FYCO1: variants seen among roughly 807,000 people sequenced by gnomAD.
FYCO1 encodes FYVE and coiled-coil domain autophagy adaptor 1.
FYCO1 carries 122 observed loss-of-function variants against 165.1 expected under a neutral mutation model. The ratio of observed to expected loss-of-function variants is 0.74; its 90% confidence interval spans 0.64 to 0.86. The LOEUF (loss-of-function observed/expected upper bound fraction) is 0.86. FYCO1 is among the 40% of genes least tolerant of loss of function. The pLI is 0.00. For synonymous variants in FYCO1, 648 were observed against 742.5 expected, an observed-to-expected ratio of 0.87 and a Z score of 2.07; for missense variants, 1,702 against 1,810.3, an observed-to-expected ratio of 0.94 and a Z score of 1.09.
Position 45,968,511 on chromosome 3 carries a change from G to A in FYCO1, c.823C>T (p.Gln275Ter), listed in dbSNP as rs749032578. The A allele has an allele frequency of 3.7e-6, 6 of 1,613,910 alleles. No individual in the cohort carries two copies. Among genetic ancestry groups the A allele is most frequent in the Non-Finnish European group, 5.1e-6 (6 of 1,180,050 alleles). The change falls in exon 8 of 18, where the codon CAG (glutamine) becomes TAG (stop). Residue 275 changes from glutamine to a stop codon, truncating the protein, a stop_gained. Transcript: ENST00000296137. LOFTEE classifies it high-confidence loss of function. ...GTGCGCCCCCTCTCCCTCTCTGTCT[G>A]CAGTTGCTCCCCTTGCTGGCTGACA... ...AAVSQQGEQL[Q>*]TERERGRTAA... is the part of the protein sequence containing the mutation.
chr3:45,947,246 C>T, intron 14 of FYCO1: 1 of 1,614,148 alleles, frequency 6.2e-7, no homozygotes, highest in Non-Finnish European at 8.5e-7. Context: ...TCATCCGCAG[C>T]ACACACTGGG....
At chr3:45,965,146 A>G (rs1339620524) in intron 8 of FYCO1, 21 bp from the exon 9 acceptor site, 1 of 1,599,496 alleles carries the variant, frequency 6.3e-7, no homozygotes, top group East Asian at 2.2e-5. Flanking sequence ...CAAGAAAGAA[A>G]GAGGACATAA....
rs1703598790 is a variant in FYCO1, at chr3:45,931,212, C to T, written c.4110G>A (p.Arg1370=). The T allele has an allele frequency of 6.2e-7, 1 of 1,614,074 alleles. No homozygotes were observed. The part of the protein sequence containing the change: ...FGEGSRELFV[R]SSTYSLIPIT... ...TGGGGATCAGGCTGTAGGTGCTGGA[C>T]CTCACAAACAGCTCCCTGCTACCCT... The change falls in exon 16 of 18, where the codon AGG becomes AGA. Residue 1370 remains arginine (R), a synonymous_variant. Transcript: ENST00000296137.
chr3:45,954,902 C>G (rs1485180480), intron 14 of FYCO1, among the ~76,000 whole-genome samples: 2 of 152,190 alleles, frequency 1.3e-5, no homozygotes, highest in African/African-American at 4.8e-5. Flanking sequence ...GCACTTCCAG[C>G]CTCCAGAGCT....
intron 15 of FYCO1, among the ~76,000 whole-genome samples, chr3:45,932,346 T>A (rs1157272466): frequency 6.6e-6 from 1 of 152,216 alleles, no homozygotes; most frequent in Non-Finnish European, 1.5e-5. Context: ...AATGGGAAGG[T>A]GGCGGCCATC....
Position 45,967,051 on chromosome 3 carries a change from G to T in FYCO1, c.2283C>A (p.Asp761Glu). 6.2e-7 allele frequency: 1 copy of T among 1,613,642 alleles called. No individual in the cohort carries two copies. Among genetic ancestry groups the T allele is most frequent in the Non-Finnish European group, 8.5e-7 (1 of 1,180,030 alleles). The change falls in exon 8 of 18, where the codon GAC (aspartate) becomes GAA (glutamate). Residue 761 changes from aspartate to glutamate, a missense_variant. Physicochemically the swap from Asp to Glu is conservative, Grantham distance 45. Transcript: ENST00000296137. Reference sequence around the variant, plus strand: ...GGGCAGCCAGCTCACGGGCTTCATTGTCAGTGGGTGGGCCAACTCCCTGTT... The same window carrying T: ...GGGCAGCCAGCTCACGGGCTTCATTTTCAGTGGGTGGGCCAACTCCCTGTT... ...KGQQGVGPPT[D>E]NEARELAAQL... is the part of the protein sequence containing the mutation.
intron 14 of FYCO1, among the ~76,000 whole-genome samples, chr3:45,940,309 G>A (rs1704146300): frequency 6.6e-6 from 1 of 152,152 alleles, no homozygotes; most frequent in Admixed American, 6.5e-5. Flanking sequence ...CCAATAGATA[G>A]AAAACATCTG....
At position 45,962,077 on chromosome 3, in the gene FYCO1, T is replaced by G; in HGVS notation, c.3437+148A>C. 1 of 865,140 alleles carries G rather than the reference T, an allele frequency of 1.2e-6. No homozygotes were observed. The highest frequency in any genetic ancestry group is 1.9e-6 in the Non-Finnish European group (1 of 519,884). 53.6% of individuals were successfully genotyped at this position (865,140 alleles called of 1,614,324 possible). A position where few individuals can be genotyped will look rare whatever the true frequency, so the allele number is the denominator to read the frequency against. ...TTTGGGACTCTAGTACTGGGGAAAGTGAGATGGAGAAGGAGAGAGGGGCTC... is the reference window on the plus strand; with the variant it reads ...TTTGGGACTCTAGTACTGGGGAAAGGGAGATGGAGAAGGAGAGAGGGGCTC... On this transcript the variant is annotated intron_variant, in intron 11 of 17. Coordinates refer to ENST00000296137, the MANE Select transcript of FYCO1 (RefSeq NM_024513.4). This position sits in a 1 kb window ranked among gnomAD's most constrained non-coding sequence, Gnocchi z 4.4.
At position 45,967,346 on chromosome 3, in the gene FYCO1, A is replaced by G. The variant is rs377726157; in HGVS notation, c.1988T>C (p.Leu663Pro). The G allele has an allele frequency of 1.8e-5, 29 of 1,608,952 alleles. No individual in the cohort carries two copies. The African/African-American group carries it at 3.3e-4, about 19-fold the overall frequency. ...ESAIQGSLAS[L>P]EAEQASIRHL... ...CCGGATGCTGGCCTGCTCGGCCTCC[A>G]GGGAGGCCAAGGAGCCCTGGATGGC... The change falls in exon 8 of 18, where the codon CTG (leucine) becomes CCG (proline). Residue 663 changes from leucine to proline, a missense_variant. Coordinates refer to ENST00000296137, the MANE Select transcript of FYCO1 (RefSeq NM_024513.4).
At chr3:45,930,209 A>G (rs1003085479) in intron 16 of FYCO1, among the ~76,000 whole-genome samples, 2 of 152,224 alleles carry the variant, frequency 1.3e-5, no homozygotes, top group Admixed American at 1.3e-4. Flanking sequence ...TCTTTCACTC[A>G]GAATGATTCA....
At chr3:45,944,629 C>T (rs186686076) in intron 14 of FYCO1, among the ~76,000 whole-genome samples, 1 of 152,198 alleles carries the variant, frequency 6.6e-6, no homozygotes, top group African/African-American at 2.4e-5. Flanking sequence ...TTTTCATACT[C>T]TATTTGCACA....
chr3:45,981,517 A>C, intron 3 of FYCO1, 53 bp downstream of exon 3: 1 of 1,119,570 alleles, frequency 8.9e-7, no homozygotes, highest in Non-Finnish European at 1.4e-6. Flanking sequence ...GTCACCCAAG[A>C]GGGAGAAAAG....
At chr3:45,940,661 C>T (rs1270465741) in intron 14 of FYCO1, among the ~76,000 whole-genome samples, 1 of 152,198 alleles carries the variant, frequency 6.6e-6, no homozygotes, top group Non-Finnish European at 1.5e-5. Context: ...ACCTGCTTGG[C>T]TCTCTTCCAA....
At chr3:45,958,789 C>A in intron 12 of FYCO1, 170 bp from the exon 13 acceptor site, 1 of 709,292 alleles carries the variant, frequency 1.4e-6, no homozygotes, top group South Asian at 1.5e-5. Flanking sequence ...ACAAAGCCTT[C>A]TTGTCAGCTT....
chr3:45,923,904 C>T, intron 16 of FYCO1, 139 bp from the exon 17 acceptor site: 1 of 702,978 alleles, frequency 1.4e-6, no homozygotes, highest in South Asian at 1.5e-5. Flanking sequence ...GGAGCTGTGA[C>T]CAGCCCCAGT....
At chr3:45,976,568 CAAAGGT>C (rs1706771992) in intron 4 of FYCO1, among the ~76,000 whole-genome samples, 1 of 152,178 alleles carries the variant, frequency 6.6e-6, no homozygotes, top group Admixed American at 6.5e-5. Context: ...CCCACCCCTT[CAAAGGT>C]CAGAAATATT....
At chr3:45,994,232 AAT>A (rs1459324968) in intron 1 of FYCO1, among the ~76,000 whole-genome samples, 1 of 152,042 alleles carries the variant, frequency 6.6e-6, no homozygotes, top group Non-Finnish European at 1.5e-5. Context: ...AAAAAAAAAA[AAT>A]CAAAGTAAAA....
In FYCO1 at chr3:45,921,581, G is replaced by A; in HGVS notation, c.*184C>T. ...TGCCTGAGCCCTTCAACGCCTCGGG[G>A]GCTAAGAGTGGCCGGTGCAGAGTGC... On this transcript the variant is annotated 3_prime_UTR_variant, in exon 18 of 18. Coordinates refer to ENST00000296137, the MANE Select transcript of FYCO1 (RefSeq NM_024513.4). 1.6e-6 allele frequency: 1 copy of A among 630,844 alleles called. No individual in the cohort carries two copies. Among genetic ancestry groups the A allele is most frequent in the South Asian group, 1.7e-5 (1 of 57,990 alleles). The allele number at this position is 630,844 out of a possible 1,614,324, so 39.1% of individuals were successfully genotyped here.
chr3:45,924,597 A>G lies in FYCO1; in HGVS notation c.4252-832T>C, dbSNP rs183777468. Among the ~76,000 whole-genome samples, 658 of 152,196 alleles carry G rather than the reference A, an allele frequency of 4.3e-3. 1 individual carries two copies. Among genetic ancestry groups the G allele is most frequent in the Admixed American group, 7.3e-3 (112 of 15,278 alleles). On this transcript the variant is annotated intron_variant, in intron 16 of 17. Coordinates refer to ENST00000296137, the MANE Select transcript of FYCO1 (RefSeq NM_024513.4). ...GAAAATATTCTAGGAGATAAGGCAG[A>G]GCCAGTCAACATTTTTTTTTCCTTT...
Sources: gnomAD v4.1 joint callset for allele counts (sites outside exome capture counted in the v4.1 genomes callset) on GRCh38, gnomAD v4.1.1 for gene constraint, Gnocchi (gnomAD v3.1) non-coding constraint, MANE v1.5 for transcripts, NCBI Gene and HGNC (gene_info 2026-07-23, HGNC 2026-07-21) for gene names.